Variants in KCND2 observed in about 807,000 individuals in gnomAD.
KCND2 encodes the protein A-type voltage-gated potassium channel KCND2.
KCND2 carries 16 observed loss-of-function variants against 54.4 expected under a neutral mutation model. That is an observed-to-expected ratio of 0.29 (90% confidence interval 0.20 to 0.45). The LOEUF (loss-of-function observed/expected upper bound fraction) is 0.45. KCND2 is among the 20% of genes least tolerant of loss of function. KCND2 has a pLI of 1.00. For missense variants in KCND2, 486 were observed against 824.2 expected (o/e 0.59, Z 5.02); for synonymous variants, 317 against 310.7 (o/e 1.02, Z -0.21).
intron 1 of KCND2, among the ~76,000 whole-genome samples, chr7:120,593,916 C>T (rs1792701388): frequency 6.6e-6 from 1 of 152,166 alleles, no homozygotes; most frequent in Non-Finnish European, 1.5e-5. Context: ...ACTCAGATGA[C>T]CCATTGACCA....
At chr7:120,326,754 A>G (rs756063264) in intron 1 of KCND2, among the ~76,000 whole-genome samples, 101 of 152,086 alleles carry the variant, frequency 6.6e-4, no homozygotes, top group Admixed American at 1.3e-3. Flanking sequence ...TGCCTACAGG[A>G]AAGTAAACTG....
intron 1 of KCND2, among the ~76,000 whole-genome samples, chr7:120,532,754 T>C (rs572499960): frequency 4.3e-4 from 65 of 151,870 alleles, no homozygotes; most frequent in Non-Finnish European, 7.1e-4. Context: ...AAATACCCAA[T>C]TAAAAAACTA....
chr7:120,432,864 T>C (rs993215799), intron 1 of KCND2, among the ~76,000 whole-genome samples: 2 of 152,150 alleles, frequency 1.3e-5, no homozygotes, highest in Non-Finnish European at 2.9e-5. Flanking sequence ...CCTGCCTTAC[T>C]TTCAGATCTA....
intron 1 of KCND2, among the ~76,000 whole-genome samples, chr7:120,461,479 T>G (rs776583620): frequency 2.0e-4 from 30 of 152,324 alleles, no homozygotes; most frequent in Middle Eastern, 6.8e-3. Flanking sequence ...ACCCACAGAT[T>G]CTTACACCAA....
intron 1 of KCND2, among the ~76,000 whole-genome samples, chr7:120,553,820 G>A (rs1379213824): frequency 3.9e-5 from 6 of 152,158 alleles, no homozygotes; most frequent in Admixed American, 1.3e-4. Flanking sequence ...ATTTCTAGCA[G>A]GTTTTTACAC....
At chr7:120,350,079 TA>T (rs1800380744) in intron 1 of KCND2, among the ~76,000 whole-genome samples, 1 of 152,102 alleles carries the variant, frequency 6.6e-6, no homozygotes, top group African/African-American at 2.4e-5. Flanking sequence ...TTCAGACATA[TA>T]ATAATATCAC....
In KCND2 at chr7:120,604,300, G is replaced by A. The variant is rs185567005; in HGVS notation, c.1116-128603G>A. ...GTGGATTACCTGAGGTCAGGAGTTC[G>A]AGACCAGCCTGGCCAACATGGCAAA... On this transcript the variant is annotated intron_variant, in intron 1 of 5. Coordinates refer to ENST00000331113, the MANE Select transcript of KCND2 (RefSeq NM_012281.3). Among the ~76,000 whole-genome samples, 699 of 147,024 alleles carry A rather than the reference G, an allele frequency of 4.8e-3. 7 individuals carry two copies. Among genetic ancestry groups the A allele is most frequent in the African/African-American group, 0.017 (661 of 39,596 alleles).
intron 1 of KCND2, among the ~76,000 whole-genome samples, chr7:120,444,933 C>T (rs770878805): frequency 3.3e-5 from 5 of 152,008 alleles, no homozygotes; most frequent in Non-Finnish European, 5.9e-5. Context: ...TGTCATTGGG[C>T]ATGTTACTTT....
chr7:120,533,998 A>T (rs1791873132), intron 1 of KCND2, among the ~76,000 whole-genome samples: 1 of 152,162 alleles, frequency 6.6e-6, no homozygotes, highest in Non-Finnish European at 1.5e-5. Flanking sequence ...TTTTGAAAAA[A>T]GTCTGTTTTA....
chr7:120,341,315 C>G (rs1194394010), intron 1 of KCND2, among the ~76,000 whole-genome samples: 1 of 152,132 alleles, frequency 6.6e-6, no homozygotes, highest in Non-Finnish European at 1.5e-5. Context: ...AGTCCTCTAA[C>G]AATTTGTCAA....
intron 1 of KCND2, among the ~76,000 whole-genome samples, chr7:120,299,274 TAGAC>T (rs1325684481): frequency 1.3e-5 from 2 of 152,200 alleles, no homozygotes; most frequent in Non-Finnish European, 2.9e-5. Context: ...AAGAAATAAG[TAGAC>T]AGATGCCATT....
intron 1 of KCND2, among the ~76,000 whole-genome samples, chr7:120,632,282 A>G (rs1793243375): frequency 6.6e-6 from 1 of 152,234 alleles, no homozygotes; most frequent in African/African-American, 2.4e-5. Context: ...CGTGCTGAAC[A>G]GCGAGAAACA....
chr7:120,292,808 C>T (rs1418585777), intron 1 of KCND2, among the ~76,000 whole-genome samples: 1 of 151,708 alleles, frequency 6.6e-6, no homozygotes, highest in East Asian at 1.9e-4. Flanking sequence ...TATTATGTTC[C>T]TCCTTAGGCT....
intron 1 of KCND2, among the ~76,000 whole-genome samples, chr7:120,317,286 T>C (rs1447469343): frequency 2.0e-5 from 3 of 152,180 alleles, no homozygotes; most frequent in Non-Finnish European, 4.4e-5. Context: ...AACATCAAAA[T>C]GATGGCATCA....
Position 120,652,031 on chromosome 7 carries a change from A to G in KCND2, c.1116-80872A>G, listed in dbSNP as rs183651833. 1.1e-3 allele frequency among the ~76,000 whole-genome samples: 161 copies of G among 152,114 alleles called. No homozygotes were observed. The East Asian group carries it at 0.028, about 27-fold the overall frequency. On this transcript the variant is annotated intron_variant, in intron 1 of 5. Transcript: ENST00000331113. The stretch of plus-strand genomic sequence containing the variant: ...AACTACTTCTCTGCCTTCCAAATGA[A>G]CCAAAATTCTCCTATCCCAGATAGT...
At chr7:120,575,984 C>A (rs1388641791) in intron 1 of KCND2, among the ~76,000 whole-genome samples, 2 of 8,142 alleles carry the variant, frequency 2.5e-4, no homozygotes, top group African/African-American at 7.1e-4. Flanking sequence ...AAACTAAGCT[C>A]ATGATGTAGA....
intron 1 of KCND2, among the ~76,000 whole-genome samples, chr7:120,573,285 C>T (rs1371705084): frequency 6.6e-6 from 1 of 152,182 alleles, no homozygotes; most frequent in Non-Finnish European, 1.5e-5. Flanking sequence ...TTACCACAGA[C>T]ATTAACAATC....
intron 1 of KCND2, among the ~76,000 whole-genome samples, chr7:120,538,357 G>T (rs1006247525): frequency 1.3e-5 from 2 of 152,170 alleles, no homozygotes; most frequent in African/African-American, 4.8e-5. Flanking sequence ...TGATAATAAT[G>T]AAAAAGCTTG....
At chr7:120,480,383 A>G (rs1366334473) in intron 1 of KCND2, among the ~76,000 whole-genome samples, 1 of 152,192 alleles carries the variant, frequency 6.6e-6, no homozygotes, top group Non-Finnish European at 1.5e-5. Flanking sequence ...ATAATCAAGA[A>G]TTTTATTCAT....
Sources: gnomAD v4.1 joint callset for allele counts (sites outside exome capture counted in the v4.1 genomes callset) on GRCh38, gnomAD v4.1.1 for gene constraint, MANE v1.5 for transcripts, NCBI Gene and HGNC (gene_info 2026-07-23, HGNC 2026-07-21) for gene names.